Variants in PCDHA3 observed in about 807,000 individuals in gnomAD.
PCDHA3 encodes the protein protocadherin alpha 3.
PCDHA3 carries 41 observed loss-of-function variants against 62.2 expected under a neutral mutation model. The ratio of observed to expected loss-of-function variants is 0.66; its 90% CI spans 0.51 to 0.86. The LOEUF is 0.86. Ranked by LOEUF, PCDHA3 falls within the 40% of genes least tolerant of loss-of-function variation. The pLI is 0.00. For synonymous variants in PCDHA3, 640 were observed against 555.4 expected (o/e 1.15, Z -2.14); for missense variants, 1,304 against 1,241.2 (o/e 1.05, Z -0.76).
At chr5:140,875,292 T>C in intron 1 of PCDHA3, 1 of 1,401,900 alleles carries the variant, frequency 7.1e-7, no homozygotes, top group Non-Finnish European at 9.3e-7. Context: ...ACAGGAAAAT[T>C]TTTTTCTCCG....
At chr5:140,985,086 T>C (rs564487119) in intron 3 of PCDHA3, among the ~76,000 whole-genome samples, 1 of 152,000 alleles carries the variant, frequency 6.6e-6, no homozygotes, top group Non-Finnish European at 1.5e-5. Context: ...TACAGGCGTG[T>C]GCCACCAAGC....
At chr5:140,957,269 T>TC (rs2095346885) in intron 1 of PCDHA3, among the ~76,000 whole-genome samples, 1 of 152,070 alleles carries the variant, frequency 6.6e-6, no homozygotes, top group African/African-American at 2.4e-5. Context: ...TAAGCACTAG[T>TC]CCCCCCTTAC....
At chr5:140,913,440 T>A (rs2076337142) in intron 1 of PCDHA3, among the ~76,000 whole-genome samples, 1 of 152,224 alleles carries the variant, frequency 6.6e-6, no homozygotes, top group Non-Finnish European at 1.5e-5. Context: ...GCCTCCTTTT[T>A]CAGCTCCGAT....
chr5:140,827,843 C>T, intron 1 of PCDHA3: 1 of 460,554 alleles, frequency 2.2e-6, no homozygotes, highest in Non-Finnish European at 3.7e-6. Flanking sequence ...AAAGAAGATA[C>T]TGTTTTAAAA....
intron 1 of PCDHA3, chr5:140,869,457 T>C: frequency 6.2e-7 from 1 of 1,614,184 alleles, no homozygotes. Context: ...AGGTTTTCCA[T>C]GTGAACGTGG....
At chr5:141,002,468 C>G (rs369108082) in intron 3 of PCDHA3, among the ~76,000 whole-genome samples, 2 of 152,334 alleles carry the variant, frequency 1.3e-5, no homozygotes, top group Middle Eastern at 3.4e-3. Flanking sequence ...AACGCTTTAG[C>G]ATTTTCAAAG....
intron 1 of PCDHA3, among the ~76,000 whole-genome samples, chr5:140,886,847 A>AT (rs2061191950): frequency 6.6e-6 from 1 of 151,038 alleles, no homozygotes; most frequent in Non-Finnish European, 1.5e-5. Flanking sequence ...AAAAAAAAAA[A>AT]GAAAGGTCTT....
At chr5:140,825,328 G>A (rs1768508165) in intron 1 of PCDHA3, 1 of 145,220 alleles carries the variant, frequency 6.9e-6, no homozygotes, top group Admixed American at 6.9e-5. Context: ...CTGGAAATTT[G>A]CATATTTTTC....
intron 1 of PCDHA3, chr5:140,808,158 A>G: frequency 6.2e-7 from 1 of 1,614,220 alleles, no homozygotes; most frequent in Non-Finnish European, 8.5e-7. Context: ...GAGGGCATTG[A>G]TAAGGGACAG....
rs2150182474 is a variant in PCDHA3 at position 140,830,181 on chromosome 5, A to G, written c.2394+26590A>G. The G allele has an allele frequency of 8.7e-6, 14 of 1,613,592 alleles. No individual in the cohort carries two copies. The East Asian group carries it at 1.8e-4, about 21-fold the overall frequency. Reference sequence around the variant, plus strand: ...CCAGAGGCGGCGCTGGTGGATGTCAACGTGTACCTGATCATCGCCATCTGC... The same window carrying G: ...CCAGAGGCGGCGCTGGTGGATGTCAGCGTGTACCTGATCATCGCCATCTGC... On this transcript the variant is annotated intron_variant, in intron 1 of 3. Transcript: ENST00000522353.
chr5:140,875,015 G>T (rs1479954206), intron 1 of PCDHA3, among the ~76,000 whole-genome samples: 3 of 152,170 alleles, frequency 2.0e-5, no homozygotes, highest in African/African-American at 7.2e-5. Flanking sequence ...TAAAGTGTAG[G>T]TTCTGGCCTA....
chr5:140,829,742 C>G, intron 1 of PCDHA3: 1 of 1,613,678 alleles, frequency 6.2e-7, no homozygotes, highest in Non-Finnish European at 8.5e-7. Context: ...CAACGTGACG[C>G]TGCAGGTGTT....
Position 140,801,841 on chromosome 5 carries a change from T to C in PCDHA3, c.644T>C (p.Ile215Thr), listed in dbSNP as rs1762797583. ...AAGCATTATTTACTAATAACAGCAA[T>C]TGATGGTGGGAAACCAGAGCTCACT... ...TPKHYLLITA[I>T]DGGKPELTGT... Residue 215 changes from isoleucine to threonine, a missense_variant, in exon 1 of 4, where the codon ATT becomes ACT. Physicochemically the swap from Ile to Thr is moderately conservative, Grantham distance 89. Transcript: ENST00000522353. The C allele has an allele frequency of 1.2e-6, 2 of 1,614,030 alleles. No homozygotes were observed. Among genetic ancestry groups the C allele is most frequent in the Non-Finnish European group, 8.5e-7 (1 of 1,180,030 alleles).
chr5:140,858,726 C>A (rs115774489), intron 1 of PCDHA3: 4 of 481,590 alleles, frequency 8.3e-6, no homozygotes, highest in African/African-American at 8.1e-5. Context: ...GCAGTTCTGA[C>A]GATTTACTTT....
chr5:140,835,863 CT>C (rs1338277254), intron 1 of PCDHA3: 1 of 1,612,100 alleles, frequency 6.2e-7, no homozygotes, highest in Non-Finnish European at 8.5e-7. Flanking sequence ...GTCCTACTCG[CT>C]GGTGGAGCTG....
At chr5:140,875,888 A>G (rs782107591) in intron 1 of PCDHA3, 3 of 1,614,076 alleles carry the variant, frequency 1.9e-6, no homozygotes, top group Non-Finnish European at 2.5e-6. Context: ...AGGGAACAAA[A>G]GGTACCTGTT....
intron 1 of PCDHA3, among the ~76,000 whole-genome samples, chr5:140,902,016 T>C (rs541579348): frequency 1.3e-5 from 2 of 152,274 alleles, no homozygotes; most frequent in South Asian, 4.1e-4. Context: ...TTGGGACATA[T>C]AGAAATACTA....
intron 1 of PCDHA3, chr5:140,827,913 C>A: frequency 1.2e-6 from 1 of 854,748 alleles, no homozygotes; most frequent in Non-Finnish European, 1.8e-6. Context: ...CGCATGATGT[C>A]GCTGTCTACC....
rs111528394 is a variant in PCDHA3 at position 140,995,338 on chromosome 5, C to T, written c.2542+12775C>T. Among the ~76,000 whole-genome samples the T allele has an allele frequency of 2.7e-4, 41 of 151,956 alleles. 1 individual carries two copies. Among genetic ancestry groups the T allele is most frequent in the Admixed American group, 6.6e-4 (10 of 15,254 alleles). On this transcript the variant is annotated intron_variant, in intron 3 of 3. Coordinates refer to ENST00000522353, the MANE Select transcript of PCDHA3 (RefSeq NM_018906.3). The stretch of plus-strand genomic sequence containing the variant: ...TGAACTAACAGGTGAGTAGTGTAGA[C>T]GGCATGGATAGGTCGGACAGAGGGA...
Sources: allele counts gnomAD v4.1 joint callset (sites outside exome capture counted in the v4.1 genomes callset), GRCh38; gene constraint gnomAD v4.1.1; transcripts MANE v1.5; gene names NCBI Gene and HGNC (gene_info 2026-07-23, HGNC 2026-07-21).